Variants in NFASC observed in about 807,000 individuals in gnomAD.
The protein encoded by NFASC is neurofascin homolog.
A neutral mutation model predicts 147.5 loss-of-function variants in NFASC; 43 were observed. That is an observed-to-expected ratio of 0.29 (90% CI 0.23 to 0.38). NFASC has a LOEUF of 0.38. NFASC is among the 10% of genes least tolerant of loss of function. The probability of loss-of-function intolerance (pLI) is 1.00; values close to 1 mark genes in which losing one functional copy is unlikely to be tolerated. For synonymous variants in NFASC, 622 were observed against 665.5 expected (o/e 0.93, Z 1.01); for missense variants, 1,320 against 1,689.0 (o/e 0.78, Z 3.83).
chr1:204,867,422 C>G (rs2077200823), intron 1 of NFASC, among the ~76,000 whole-genome samples: 1 of 151,676 alleles, frequency 6.6e-6, no homozygotes, highest in Non-Finnish European at 1.5e-5. Flanking sequence ...CACACACACA[C>G]ACACACACAC....
intron 11 of NFASC, among the ~76,000 whole-genome samples, chr1:204,973,047 C>A (rs557646298): frequency 6.6e-6 from 1 of 152,334 alleles, no homozygotes; most frequent in African/African-American, 2.4e-5. Flanking sequence ...AACAGGAATT[C>A]ATATTCCATA....
chr1:204,881,791 G>A (rs1393734053), intron 1 of NFASC, among the ~76,000 whole-genome samples: 3 of 152,068 alleles, frequency 2.0e-5, no homozygotes, highest in South Asian at 2.1e-4. Context: ...GGCCTACCTC[G>A]GCACTTCCTT....
intron 24 of NFASC, 98 bp from the exon 25 acceptor site, chr1:204,997,070 GTC>G (rs1454338806): frequency 6.5e-7 from 1 of 1,532,130 alleles, no homozygotes; most frequent in African/African-American, 1.4e-5. Flanking sequence ...ACTAAGCCCC[GTC>G]TCCTCACCGG....
chr1:204,954,796 C>G lies in NFASC; in HGVS notation c.413-33C>G. 1 of 1,611,688 alleles carries G rather than the reference C, an allele frequency of 6.2e-7. No individual in the cohort carries two copies. Among genetic ancestry groups the G allele is most frequent in the South Asian group, 1.1e-5 (1 of 90,986 alleles). On this transcript the variant is annotated intron_variant, in intron 6 of 29. Transcript: ENST00000339876. The surrounding 1 kb of genome is among the most constrained non-coding windows in gnomAD (Gnocchi z 5.7). The stretch of plus-strand genomic sequence containing the variant: ...CCTTGCCCCGGGCCCAGCCATCACC[C>G]TCACTTTATCCTCTTTGTCCACTTC...
At chr1:204,888,518 C>T (rs1370599123) in intron 1 of NFASC, among the ~76,000 whole-genome samples, 1 of 152,168 alleles carries the variant, frequency 6.6e-6, no homozygotes, top group Non-Finnish European at 1.5e-5. Flanking sequence ...GAGGGGACTT[C>T]CTTATGCTGA....
Position 205,017,200 on chromosome 1 carries a change from A to T in NFASC, c.*661A>T. The stretch of plus-strand genomic sequence containing the variant: ...GAGCTGGGCTTGGCTCCTTTCTGGA[A>T]AATGACAGTATTTTTGGCAGGGAGA... On this transcript the variant is annotated 3_prime_UTR_variant, in exon 30 of 30. Coordinates refer to ENST00000339876, the MANE Select transcript of NFASC (RefSeq NM_001005388.3). 1 of 162,834 alleles carries T rather than the reference A, an allele frequency of 6.1e-6. No individual in the cohort carries two copies. The highest frequency in any genetic ancestry group is 1.4e-5 in the Non-Finnish European group (1 of 73,348). The allele number at this position is 162,834 out of a possible 1,614,324, so 10.1% of individuals were successfully genotyped here. A position where few individuals can be genotyped will look rare whatever the true frequency, so the allele number is the denominator to read the frequency against.
At chr1:205,014,258 C>T (rs750459246) in intron 29 of NFASC, among the ~76,000 whole-genome samples, 74 of 152,298 alleles carry the variant, frequency 4.9e-4, no homozygotes, top group Middle Eastern at 6.8e-3. Flanking sequence ...TGGGTCTACA[C>T]GCACAGGAGC....
At chr1:205,013,407 G>A (rs2096287652) in intron 29 of NFASC, among the ~76,000 whole-genome samples, 1 of 152,162 alleles carries the variant, frequency 6.6e-6, no homozygotes, top group East Asian at 1.9e-4. Flanking sequence ...ACTGGAATGG[G>A]CCTTGGAAAG....
intron 27 of NFASC, among the ~76,000 whole-genome samples, chr1:205,003,678 TACAC>T (rs1181105972): frequency 5.3e-5 from 8 of 152,186 alleles, no homozygotes; most frequent in Admixed American, 5.2e-4. Flanking sequence ...GGTCATTAGA[TACAC>T]AGCATAGCGG....
chr1:204,987,430 C>G lies in NFASC; in HGVS notation c.2483C>G (p.Pro828Arg). 1 of 1,614,042 alleles carries G rather than the reference C, an allele frequency of 6.2e-7. No individual in the cohort carries two copies. Among genetic ancestry groups the G allele is most frequent in the Non-Finnish European group, 8.5e-7 (1 of 1,179,956 alleles). The part of the protein sequence containing the change: ...GYSGEDLPSA[P>R]RRFRVRQPNL... The stretch of plus-strand genomic sequence containing the variant: ...CTCCTTCCCCAAGTACCCAGTGCCC[C>G]TAGGCGTTTCCGAGTCCGGCAGCCC... Residue 828 changes from proline (P) to arginine (R), a missense_variant, in exon 22 of 30, where the codon CCT (proline) becomes CGT (arginine). Pro to Arg is a moderately radical substitution (Grantham distance 103). Coordinates refer to ENST00000339876, the MANE Select transcript of NFASC (RefSeq NM_001005388.3). The surrounding 1 kb of genome is among the most constrained non-coding windows in gnomAD (Gnocchi z 4.4).
intron 25 of NFASC, chr1:205,000,405 A>T (rs1290498803): frequency 6.6e-6 from 1 of 152,450 alleles, no homozygotes; most frequent in Non-Finnish European, 1.5e-5. Flanking sequence ...CTGGATCACC[A>T]TTCTCCTCCA....
At chr1:204,943,111 A>C (rs1314130329) in intron 2 of NFASC, among the ~76,000 whole-genome samples, 2 of 152,222 alleles carry the variant, frequency 1.3e-5, no homozygotes, top group Admixed American at 6.5e-5. Flanking sequence ...TGATGTGTCC[A>C]TCTGATAGGT....
intron 1 of NFASC, among the ~76,000 whole-genome samples, chr1:204,889,518 G>A (rs2081975808): frequency 6.6e-6 from 1 of 152,210 alleles, no homozygotes; most frequent in Non-Finnish European, 1.5e-5. Flanking sequence ...GCTCAGAATA[G>A]CAGGTTATTT....
intron 10 of NFASC, 93 bp from the exon 11 acceptor site, chr1:204,970,523 G>T (rs1166623969): frequency 4.8e-6 from 7 of 1,469,058 alleles, no homozygotes; most frequent in Non-Finnish European, 5.6e-6. Context: ...CTGGGACTCA[G>T]GGGCTCCTGC....
chr1:204,917,158 A>G lies in NFASC; in HGVS notation c.-199-3474A>G, dbSNP rs559018564. Among the ~76,000 whole-genome samples, 7 of 152,294 alleles carry G rather than the reference A, an allele frequency of 4.6e-5. No individual in the cohort carries two copies. In the East Asian group the frequency reaches 1.3e-3, roughly 29 times the overall value. ...CTTAAGTCCAGGAGGTCAAGGCTGCAGTGAGCTGTGATCGTGCCACTCTAC... is the reference window on the plus strand; with the variant it reads ...CTTAAGTCCAGGAGGTCAAGGCTGCGGTGAGCTGTGATCGTGCCACTCTAC... On this transcript the variant is annotated intron_variant, in intron 1 of 29. Transcript: ENST00000339876.
chr1:204,839,372 C>CACACACACACACAA (rs1326151070), intron 1 of NFASC, among the ~76,000 whole-genome samples: 1 of 21,776 alleles, frequency 4.6e-5, no homozygotes, highest in African/African-American at 2.9e-4. Flanking sequence ...GTATGAAACA[C>CACACACACACACAA]ACACACACAC....
intron 1 of NFASC, among the ~76,000 whole-genome samples, chr1:204,867,877 C>T (rs1356994505): frequency 1.3e-5 from 2 of 152,204 alleles, no homozygotes; most frequent in Non-Finnish European, 2.9e-5. Context: ...TCCTCCAAGG[C>T]TCTCTTCTAA....
chr1:204,833,887 T>C (rs76153419), intron 1 of NFASC, among the ~76,000 whole-genome samples: 1,756 of 152,268 alleles, frequency 0.012, 26 homozygotes, highest in African/African-American at 0.039. Context: ...ATGGGGATAT[T>C]AATATGAACC....
intron 1 of NFASC, among the ~76,000 whole-genome samples, chr1:204,907,651 C>T (rs2086290615): frequency 6.6e-6 from 1 of 152,196 alleles, no homozygotes; most frequent in South Asian, 2.1e-4. Flanking sequence ...TTGAACTTTC[C>T]AGAGAGAATG....
Sources: allele counts gnomAD v4.1 joint callset (sites outside exome capture counted in the v4.1 genomes callset), GRCh38; gene constraint gnomAD v4.1.1; non-coding constraint Gnocchi (gnomAD v3.1); transcripts MANE v1.5; gene names NCBI Gene and HGNC (gene_info 2026-07-23, HGNC 2026-07-21).